The following FBXO10 variants were observed in gnomAD, a reference collection of about 807,000 sequenced individuals.
The protein encoded by FBXO10 is F-box protein 10, also known as F-box only protein 10.
A neutral mutation model predicts 80.7 loss-of-function variants in FBXO10; 39 were observed. The observed-to-expected ratio is 0.48, with a 90% CI of 0.37 to 0.63. The LOEUF is 0.63. FBXO10 is among the 30% of genes least tolerant of loss of function. The probability of loss-of-function intolerance (pLI) is 0.00; values close to 1 mark genes in which losing one functional copy is unlikely to be tolerated. For synonymous variants in FBXO10, 449 were observed against 489.6 expected (o/e 0.92, Z 1.09); for missense variants, 1,025 against 1,269.0 (o/e 0.81, Z 2.92).
At chr9:37,524,448 A>G (rs1282152532) in intron 6 of FBXO10, among the ~76,000 whole-genome samples, 3 of 152,040 alleles carry the variant, frequency 2.0e-5, no homozygotes, top group African/African-American at 7.2e-5. Flanking sequence ...TGCTCAATCC[A>G]TGTCTGATAA....
At chr9:37,561,035 A>G (rs1006738677) in intron 1 of FBXO10, among the ~76,000 whole-genome samples, 15 of 152,158 alleles carry the variant, frequency 9.9e-5, no homozygotes, top group Non-Finnish European at 1.6e-4. Context: ...CCAGCTACTC[A>G]GGAGGCTGAG....
chr9:37,512,654 A>T lies in FBXO10; in HGVS notation c.2764T>A (p.Ser922Thr), dbSNP rs775475730. The change falls in exon 11 of 11, where the codon TCG becomes ACG. Residue 922 changes from serine (S) to threonine (T), a missense_variant. Around this residue, in one of 3 missense-constraint regions of FBXO10, gnomAD observed 97 missense variants for 101.8 expected, o/e 0.95. Transcript: ENST00000432825. The part of the protein sequence containing the change: ...PHLENSLRRP[S>T]AAHNGQKVTA... ...ACCTTCTGCCCATTGTGGGCTGCCG[A>T]GGGACGTCTGAGAGAATTTTCAAGG... 6.2e-7 allele frequency: 1 copy of T among 1,613,866 alleles called. No individual in the cohort carries two copies. Among genetic ancestry groups the T allele is most frequent in the Non-Finnish European group, 8.5e-7 (1 of 1,179,874 alleles).
rs187272392 is a variant in FBXO10, at chr9:37,558,780, C to A, written c.-6-17006G>T. Among the ~76,000 whole-genome samples the A allele has an allele frequency of 4.0e-3, 606 of 151,964 alleles. 1 individual carries two copies. The highest frequency in any genetic ancestry group is 6.6e-3 in the Admixed American group (100 of 15,248). The stretch of plus-strand genomic sequence containing the variant: ...GTGAGATAGAAGGAATTAAGCACTA[C>A]TGCAGCTTATAGAGATCAAGAAGAA... On this transcript the variant is annotated intron_variant, in intron 1 of 10. Transcript: ENST00000432825.
At chr9:37,513,498 G>A (rs1821112868) in intron 10 of FBXO10, among the ~76,000 whole-genome samples, 1 of 152,164 alleles carries the variant, frequency 6.6e-6, no homozygotes, top group Admixed American at 6.5e-5. Flanking sequence ...TGAATCTCCA[G>A]CATGTTAGGC....
chr9:37,522,576 G>T, intron 7 of FBXO10: 1 of 1,285,292 alleles, frequency 7.8e-7, no homozygotes, highest in Non-Finnish European at 9.9e-7. Context: ...CACAACTCCT[G>T]TCTTTTGCTA....
At chr9:37,520,522 C>CTTTTTTTTT (rs1191753429) in intron 8 of FBXO10, among the ~76,000 whole-genome samples, 20 of 83,370 alleles carry the variant, frequency 2.4e-4, no homozygotes, top group African/African-American at 2.7e-4. Context: ...CCTTCTTCTT[C>CTTTTTTTTT]TTTTTTTTTT....
At chr9:37,528,295 A>G (rs1821523987) in intron 5 of FBXO10, among the ~76,000 whole-genome samples, 1 of 152,220 alleles carries the variant, frequency 6.6e-6, no homozygotes, top group South Asian at 2.1e-4. Flanking sequence ...AAGGACGTCA[A>G]GGGTCACACT....
At chr9:37,533,799 G>A (rs903346975) in intron 3 of FBXO10, among the ~76,000 whole-genome samples, 2 of 151,432 alleles carry the variant, frequency 1.3e-5, no homozygotes, top group Non-Finnish European at 2.9e-5. Context: ...TTGAACCCAG[G>A]AGGCAGAGGT....
intron 1 of FBXO10, 61 bp from the exon 2 acceptor site, chr9:37,541,835 T>C (rs1200173199): frequency 7.2e-7 from 1 of 1,385,408 alleles, no homozygotes; most frequent in Non-Finnish European, 9.7e-7. Flanking sequence ...GTCCCCCTTT[T>C]TTATTTTTTT....
intron 7 of FBXO10, 70 bp downstream of exon 7, chr9:37,522,755 A>G (rs984437030): frequency 1.3e-6 from 2 of 1,519,008 alleles, no homozygotes; most frequent in Non-Finnish European, 1.8e-6. Context: ...TGACCTTCTC[A>G]GGACCCACAA....
intron 5 of FBXO10, among the ~76,000 whole-genome samples, chr9:37,527,997 G>T (rs142997816): frequency 6.6e-6 from 1 of 152,182 alleles, no homozygotes; most frequent in Non-Finnish European, 1.5e-5. Context: ...CCAAAGTGAT[G>T]AATGTAAAGG....
At chr9:37,531,410 C>T (rs1821619818) in intron 4 of FBXO10, among the ~76,000 whole-genome samples, 1 of 152,230 alleles carries the variant, frequency 6.6e-6, no homozygotes, top group Non-Finnish European at 1.5e-5. Context: ...ACTGGCCACA[C>T]AGTCTAGGAT....
chr9:37,522,467 T>C, intron 7 of FBXO10: 1 of 1,046,762 alleles, frequency 9.6e-7, no homozygotes, highest in African/African-American at 1.7e-5. Context: ...TTATCTTGTT[T>C]TCCCATTATA....
rs758539162 is a variant in FBXO10, at chr9:37,518,273, T to G, written c.2366A>C (p.Gln789Pro). The change falls in exon 9 of 11, where the codon CAG becomes CCG. Residue 789 changes from glutamine (Q) to proline (P), a missense_variant. Transcript: ENST00000432825. ...ATTGCCCCGGAGCTCCACTTTGCAC[T>G]GGGCCTCAACCTTGACCCCACTTTG... ...NRQSGVKVEAQCKVELRGNGI... is the reference protein window; with the variant it reads ...NRQSGVKVEAPCKVELRGNGI... 5 of 1,614,062 alleles carry G rather than the reference T, an allele frequency of 3.1e-6. No homozygotes were observed. The highest frequency in any genetic ancestry group is 4.5e-5 in the East Asian group (2 of 44,884).
At chr9:37,553,507 G>A (rs1164932437) in intron 1 of FBXO10, among the ~76,000 whole-genome samples, 1 of 152,092 alleles carries the variant, frequency 6.6e-6, no homozygotes, top group East Asian at 1.9e-4. Flanking sequence ...TAGCTTCCTT[G>A]CTATGTGGTA....
Position 37,522,856 on chromosome 9 carries a change from G to C in FBXO10, c.1899C>G (p.Gly633=). Reference sequence around the variant, plus strand: ...TGGTATTTCCTTCTATGAGGCCTTTGCCTTCGTCTCCCACAACCACACCAT... The same window carrying C: ...TGGTATTTCCTTCTATGAGGCCTTTCCCTTCGTCTCCCACAACCACACCAT... ...YSDGVVVGDE[G]KGLIEGNTIY... Residue 633 remains glycine (G), a synonymous_variant, in exon 7 of 11, where the codon GGC becomes GGG. Coordinates refer to ENST00000432825, the MANE Select transcript of FBXO10 (RefSeq NM_012166.3). The C allele has an allele frequency of 6.4e-7, 1 of 1,553,308 alleles. No individual in the cohort carries two copies. Among genetic ancestry groups the C allele is most frequent in the Non-Finnish European group, 8.7e-7 (1 of 1,147,856 alleles).
intron 8 of FBXO10, among the ~76,000 whole-genome samples, chr9:37,519,899 C>T (rs923157939): frequency 2.2e-5 from 3 of 136,690 alleles, no homozygotes; most frequent in African/African-American, 7.3e-5. Flanking sequence ...CTCACTGCAA[C>T]CTCGAACTCT....
At chr9:37,545,384 G>C (rs1377257733) in intron 1 of FBXO10, among the ~76,000 whole-genome samples, 1 of 151,966 alleles carries the variant, frequency 6.6e-6, no homozygotes, top group Non-Finnish European at 1.5e-5. Flanking sequence ...TCACCATGTT[G>C]GTCAGGCTGG....
chr9:37,540,245 T>C (rs746992709), intron 2 of FBXO10, among the ~76,000 whole-genome samples: 3 of 152,102 alleles, frequency 2.0e-5, no homozygotes, highest in Non-Finnish European at 2.9e-5. Context: ...TGGAGTGCGA[T>C]GGCACCATCT....
Sources: gnomAD v4.1 joint callset for allele counts (sites outside exome capture counted in the v4.1 genomes callset) on GRCh38, gnomAD v4.1.1 for gene constraint, gnomAD v4.1.1 regional missense constraint, MANE v1.5 for transcripts, NCBI Gene and HGNC (gene_info 2026-07-23, HGNC 2026-07-21) for gene names.